Variants in RTTN observed in about 807,000 individuals in gnomAD.
The protein encoded by RTTN is rotatin.
A neutral mutation model predicts 269.2 loss-of-function variants in RTTN; 182 were observed. That is an observed-to-expected ratio of 0.68 (90% CI 0.60 to 0.76). The LOEUF is 0.76. Ranked by LOEUF, RTTN falls within the 30% of genes least tolerant of loss-of-function variation. The pLI is 0.00. For missense variants in RTTN, 2,545 were observed against 2,608.6 expected (o/e 0.98, Z 0.53); for synonymous variants, 1,006 against 963.5 (o/e 1.04, Z -0.82).
At chr18:70,163,069 T>TTAAAAAAAAAAAA (rs766183356) in intron 14 of RTTN, among the ~76,000 whole-genome samples, 2 of 56,968 alleles carry the variant, frequency 3.5e-5, no homozygotes, top group African/African-American at 7.1e-5. Flanking sequence ...TTACTATTAT[T>TTAAAAAAAAAAAA]AAAAAAAAAA....
chr18:70,177,198 C>T (rs2061323976), intron 10 of RTTN, among the ~76,000 whole-genome samples: 1 of 152,116 alleles, frequency 6.6e-6, no homozygotes, highest in African/African-American at 2.4e-5. Context: ...ACACGCAAAC[C>T]CCTCGTCAAG....
In RTTN at chr18:70,128,497, A is replaced by C. The variant is rs1037612029; in HGVS notation, c.3004T>G (p.Ser1002Ala). The C allele has an allele frequency of 6.2e-7, 1 of 1,613,178 alleles. No individual in the cohort carries two copies. ...TCAGCAGATAAGGGCAAAACTATGG[A>C]GTAAGGACTCACAGCATGGTGTCCA... is the stretch of plus-strand genomic sequence containing the variant. Reference protein sequence around the residue: ...VIGHHAVSPYSIVLPLSADCL... With the variant: ...VIGHHAVSPYAIVLPLSADCL... The change falls in exon 24 of 49, where the codon TCC becomes GCC. Residue 1002 changes from serine (S) to alanine (A), a missense_variant. Coordinates refer to ENST00000640769, the MANE Select transcript of RTTN (RefSeq NM_173630.4).
intron 48 of RTTN, among the ~76,000 whole-genome samples, chr18:70,004,983 C>T (rs575424744): frequency 3.9e-5 from 6 of 152,270 alleles, no homozygotes; most frequent in African/African-American, 7.2e-5. Flanking sequence ...AAAAATAAGA[C>T]GAAGATCACA....
intron 35 of RTTN, chr18:70,061,529 T>C: frequency 5.5e-6 from 2 of 365,872 alleles, no homozygotes; most frequent in South Asian, 4.0e-5. Flanking sequence ...TACATACCCC[T>C]GGGCACATAA....
chr18:70,114,297 A>T, intron 27 of RTTN, 148 bp downstream of exon 27: 1 of 824,236 alleles, frequency 1.2e-6, no homozygotes, highest in Non-Finnish European at 1.8e-6. Context: ...TGAAACAAAA[A>T]CAAACAGAAC....
chr18:70,163,309 G>T (rs2145886007), intron 14 of RTTN, among the ~76,000 whole-genome samples: 1 of 151,876 alleles, frequency 6.6e-6, no homozygotes, highest in African/African-American at 2.4e-5. Flanking sequence ...TTGAACCCGG[G>T]AGGCAGAGGT....
At chr18:70,100,313 T>C (rs1393284125) in intron 28 of RTTN, among the ~76,000 whole-genome samples, 6 of 152,244 alleles carry the variant, frequency 3.9e-5, no homozygotes. Context: ...GTAAGTTGGA[T>C]TCCTAGGTAT....
chr18:70,045,119 T>C (rs1262856510), intron 40 of RTTN, among the ~76,000 whole-genome samples: 1 of 152,216 alleles, frequency 6.6e-6, no homozygotes, highest in Non-Finnish European at 1.5e-5. Flanking sequence ...AAAAAACACT[T>C]ACACATGACT....
At chr18:70,006,649 G>C in intron 46 of RTTN, 165 bp from the exon 47 acceptor site, 1 of 601,896 alleles carries the variant, frequency 1.7e-6, no homozygotes, top group South Asian at 2.1e-5. Flanking sequence ...TGGTATATGG[G>C]AGGACAACCT....
intron 39 of RTTN, among the ~76,000 whole-genome samples, chr18:70,048,805 G>A (rs988060971): frequency 1.1e-4 from 17 of 151,714 alleles, no homozygotes; most frequent in African/African-American, 3.2e-4. Flanking sequence ...CACAAGTTAC[G>A]GAGTGACCAC....
In RTTN at chr18:70,101,827, G is replaced by A. The variant is rs375958710; in HGVS notation, c.3903+7671C>T. 1.6e-4 allele frequency among the ~76,000 whole-genome samples: 24 copies of A among 152,124 alleles called. No individual in the cohort carries two copies. The East Asian group carries it at 3.7e-3, about 23-fold the overall frequency. ...GCATCTTTATTTCTGCCTTCATTTCGTTACGTACCCAGTAGTCATTCAGGA... is the reference window on the plus strand; with the variant it reads ...GCATCTTTATTTCTGCCTTCATTTCATTACGTACCCAGTAGTCATTCAGGA... On this transcript the variant is annotated intron_variant, in intron 28 of 48. Transcript: ENST00000640769.
At chr18:70,123,296 G>T (rs1163671245) in intron 25 of RTTN, among the ~76,000 whole-genome samples, 2 of 151,858 alleles carry the variant, frequency 1.3e-5, no homozygotes, top group Non-Finnish European at 1.5e-5. Flanking sequence ...GATCCAATCA[G>T]GCTAATTAAC....
At chr18:70,156,986 G>A (rs867142749) in intron 14 of RTTN, among the ~76,000 whole-genome samples, 56 of 152,240 alleles carry the variant, frequency 3.7e-4, no homozygotes, top group African/African-American at 1.3e-3. Context: ...CTGCCCTGCC[G>A]AAATGCTCCC....
intron 32 of RTTN, among the ~76,000 whole-genome samples, chr18:70,075,931 T>C (rs1158574724): frequency 6.6e-6 from 1 of 152,078 alleles, no homozygotes; most frequent in Non-Finnish European, 1.5e-5. Context: ...AGGTGGTCCA[T>C]ATATTATGTT....
At chr18:70,186,737 G>C (rs919920426) in intron 10 of RTTN, among the ~76,000 whole-genome samples, 6 of 152,180 alleles carry the variant, frequency 3.9e-5, no homozygotes, top group Admixed American at 2.0e-4. Flanking sequence ...GATGGAGCTG[G>C]AGGCCATTAT....
At chr18:70,012,236 C>T (rs2056401856) in intron 46 of RTTN, among the ~76,000 whole-genome samples, 1 of 140,788 alleles carries the variant, frequency 7.1e-6, no homozygotes, top group African/African-American at 2.7e-5. Context: ...GTATTAGTTA[C>T]AGCACAGTGT....
At position 70,164,469 on chromosome 18, in the gene RTTN, C is replaced by T. The variant is rs979129729; in HGVS notation, c.1929+1593G>A. Among the ~76,000 whole-genome samples, 8 of 152,082 alleles carry T rather than the reference C, an allele frequency of 5.3e-5. No homozygotes were observed. In the East Asian group the frequency reaches 1.5e-3, roughly 29 times the overall value. ...GCTCCAGTGATCCTCCTGCTTTGGCCTTCCCAAATGCTGGGATTACAGGCA... is the reference window on the plus strand; with the variant it reads ...GCTCCAGTGATCCTCCTGCTTTGGCTTTCCCAAATGCTGGGATTACAGGCA... On this transcript the variant is annotated intron_variant, in intron 14 of 48. Transcript: ENST00000640769.
intron 11 of RTTN, among the ~76,000 whole-genome samples, chr18:70,170,942 G>A (rs538347987): frequency 1.3e-5 from 2 of 152,182 alleles, no homozygotes; most frequent in Non-Finnish European, 2.9e-5. Flanking sequence ...CCTGATCAAC[G>A]ATCAACTTGA....
intron 45 of RTTN, among the ~76,000 whole-genome samples, chr18:70,018,062 G>A (rs2056594251): frequency 6.6e-6 from 1 of 152,138 alleles, no homozygotes; most frequent in African/African-American, 2.4e-5. Context: ...ATCCAAATCA[G>A]TCTTGAATAC....
Sources: allele counts gnomAD v4.1 joint callset (sites outside exome capture counted in the v4.1 genomes callset), GRCh38; gene constraint gnomAD v4.1.1; transcripts MANE v1.5; gene names NCBI Gene and HGNC (gene_info 2026-07-23, HGNC 2026-07-21).